PHF14: variants seen among roughly 807,000 people sequenced by gnomAD.
PHF14 encodes the protein PHD finger protein 14.
Under a neutral mutation model 117.9 loss-of-function variants are expected in PHF14, and 55 were observed. The observed-to-expected ratio is 0.47, with a 90% confidence interval of 0.38 to 0.58. The LOEUF is 0.58. Ranked by LOEUF, PHF14 falls within the 20% of genes least tolerant of loss-of-function variation. PHF14 has a pLI of 0.00. For missense variants in PHF14, 978 were observed against 1,122.2 expected (o/e 0.87, Z 1.84); for synonymous variants, 409 against 368.6 (o/e 1.11, Z -1.26).
At chr7:11,073,096 C>G (rs561325393) in intron 16 of PHF14, among the ~76,000 whole-genome samples, 6 of 152,242 alleles carry the variant, frequency 3.9e-5, no homozygotes, top group African/African-American at 1.4e-4. Flanking sequence ...CCTTGCCCCC[C>G]CTCCCCAGTT....
chr7:11,007,800 A>G lies in PHF14; in HGVS notation c.1046-5947A>G, dbSNP rs1359941020. Among the ~76,000 whole-genome samples the G allele has an allele frequency of 2.0e-5, 3 of 152,272 alleles. No homozygotes were observed. In the South Asian group the frequency reaches 6.2e-4, roughly 32 times the overall value. ...TTTTATCTCCTTTTTTTTGAGAAAT[A>G]TGCTTATTCTCAAGTAATTGCATAA... is the stretch of plus-strand genomic sequence containing the variant. On this transcript the variant is annotated intron_variant, in intron 4 of 17. Transcript: ENST00000634607.
chr7:11,012,637 C>G (rs1341668923), intron 4 of PHF14, among the ~76,000 whole-genome samples: 1 of 152,212 alleles, frequency 6.6e-6, no homozygotes, highest in East Asian at 1.9e-4. Context: ...AAGAGCATTG[C>G]CAAGTTATCT....
At chr7:11,108,987 A>G (rs1787357844) in intron 16 of PHF14, 1 of 151,790 alleles carries the variant, frequency 6.6e-6, no homozygotes, top group Admixed American at 6.6e-5. Flanking sequence ...CTTCATCAAG[A>G]ACTTTGATTA....
chr7:11,019,653 G>T (rs538086859), intron 5 of PHF14, among the ~76,000 whole-genome samples: 1 of 152,054 alleles, frequency 6.6e-6, no homozygotes, highest in East Asian at 1.9e-4. Context: ...CTGGCTAAAG[G>T]TTTGTCAGTG....
intron 17 of PHF14, among the ~76,000 whole-genome samples, chr7:11,165,101 T>C (rs554946630): frequency 2.0e-4 from 31 of 152,270 alleles, no homozygotes; most frequent in African/African-American, 5.3e-4. Context: ...ATAATTGTAT[T>C]TTTAGTAGAG....
chr7:11,061,777 T>G lies in PHF14; in HGVS notation c.2482-14T>G, dbSNP rs1490969143. ...GGATTTTTGTTTTTTGTTTTTTTTT[T>G]TGTTTTTTTCCAGAGAACCAGAGGA... is the stretch of plus-strand genomic sequence containing the variant. On this transcript the variant is annotated splice_polypyrimidine_tract_variant and intron_variant, in intron 14 of 17. Transcript: ENST00000634607. The G allele has an allele frequency of 1.3e-6, 2 of 1,495,776 alleles. No homozygotes were observed. The highest frequency in any genetic ancestry group is 2.6e-5 in the Admixed American group (1 of 37,898). The allele number at this position is 1,495,776 out of a possible 1,614,324, so 92.7% of individuals were successfully genotyped here.
At chr7:11,126,773 A>G (rs2128347636) in intron 17 of PHF14, among the ~76,000 whole-genome samples, 1 of 151,194 alleles carries the variant, frequency 6.6e-6, no homozygotes, top group East Asian at 1.9e-4. Context: ...TAGCAATAGG[A>G]TGAAAAAAAA....
chr7:11,052,744 T>C (rs1784886273), intron 14 of PHF14, among the ~76,000 whole-genome samples: 1 of 152,202 alleles, frequency 6.6e-6, no homozygotes, highest in South Asian at 2.1e-4. Flanking sequence ...TTTTGGTAAA[T>C]TGTATTTCCT....
chr7:11,107,087 G>T (rs1787294317), intron 16 of PHF14: 1 of 983,384 alleles, frequency 1.0e-6, no homozygotes, highest in African/African-American at 1.7e-5. Flanking sequence ...GTTTTAAAAA[G>T]TAGTTGTAGT....
intron 16 of PHF14, among the ~76,000 whole-genome samples, chr7:11,085,311 T>G (rs1376999215): frequency 6.6e-6 from 1 of 152,234 alleles, no homozygotes; most frequent in African/African-American, 2.4e-5. Context: ...AATGTCATAT[T>G]CTTCTGTTGA....
At chr7:11,099,051 A>T in intron 16 of PHF14, among the ~76,000 whole-genome samples, 1 of 152,174 alleles carries the variant, frequency 6.6e-6, no homozygotes, top group East Asian at 1.9e-4. Context: ...AGAGAGGTTT[A>T]ATTTAAAAAA....
At chr7:11,075,513 G>T (rs1785804655) in intron 16 of PHF14, among the ~76,000 whole-genome samples, 1 of 148,784 alleles carries the variant, frequency 6.7e-6, no homozygotes, top group African/African-American at 2.5e-5. Context: ...TTCTTAACTA[G>T]CTTTTGTGTG....
chr7:11,157,160 T>G (rs943414091), intron 17 of PHF14, among the ~76,000 whole-genome samples: 2 of 152,198 alleles, frequency 1.3e-5, no homozygotes, highest in Admixed American at 1.3e-4. Context: ...ATAAAACATC[T>G]CATTCATATT....
chr7:11,142,289 C>T (rs887453539), intron 17 of PHF14, among the ~76,000 whole-genome samples: 36 of 151,954 alleles, frequency 2.4e-4, no homozygotes, highest in Admixed American at 5.9e-4. Flanking sequence ...ACATGATGCC[C>T]TTTTCTGTTC....
At chr7:11,031,782 T>A (rs1583391081) in intron 7 of PHF14, among the ~76,000 whole-genome samples, 1 of 152,152 alleles carries the variant, frequency 6.6e-6, no homozygotes, top group East Asian at 1.9e-4. Flanking sequence ...AGTAAAAAAA[T>A]ACCGAGCTAT....
At chr7:11,112,017 A>T (rs1787463658) in intron 17 of PHF14, among the ~76,000 whole-genome samples, 1 of 152,044 alleles carries the variant, frequency 6.6e-6, no homozygotes, top group Admixed American at 6.6e-5. Context: ...TATACCCCCA[A>T]ATCAGTTTGA....
At chr7:11,044,516 T>G (rs538262124) in intron 13 of PHF14, among the ~76,000 whole-genome samples, 1 of 152,262 alleles carries the variant, frequency 6.6e-6, no homozygotes, top group East Asian at 1.9e-4. Flanking sequence ...TCCTTTGGCC[T>G]CTAAGATCAA....
rs184438981 is a variant in PHF14, at chr7:11,023,625, G to A, written c.1317+646G>A. The stretch of plus-strand genomic sequence containing the variant: ...GCAGATCACCTGAGATTAGGAGTTC[G>A]AGACCAGCCTGGCCAACATGGCGAA... On this transcript the variant is annotated intron_variant, in intron 6 of 17. Coordinates refer to ENST00000634607, the MANE Select transcript of PHF14 (RefSeq NM_001007157.2). Among the ~76,000 whole-genome samples the A allele has an allele frequency of 5.5e-3, 841 of 152,266 alleles. 7 individuals carry two copies. Among genetic ancestry groups the A allele is most frequent in the Middle Eastern group, 0.017 (5 of 294 alleles).
chr7:11,116,926 A>C (rs1243597500), intron 17 of PHF14, among the ~76,000 whole-genome samples: 1 of 151,960 alleles, frequency 6.6e-6, no homozygotes, highest in African/African-American at 2.4e-5. Flanking sequence ...ATATTGCCAT[A>C]TAAGATATAA....
Sources: gnomAD v4.1 joint callset for allele counts (sites outside exome capture counted in the v4.1 genomes callset) on GRCh38, gnomAD v4.1.1 for gene constraint, MANE v1.5 for transcripts, NCBI Gene and HGNC (gene_info 2026-07-23, HGNC 2026-07-21) for gene names.